Variants in SCRN1 observed in about 807,000 individuals in gnomAD.
SCRN1 encodes the protein secernin-1.
Under a neutral mutation model 43.3 loss-of-function variants are expected in SCRN1, and 19 were observed. That is an observed-to-expected ratio of 0.44 (90% CI 0.31 to 0.64). The LOEUF (loss-of-function observed/expected upper bound fraction) is 0.64, where lower values mean the gene tolerates loss of function less well. SCRN1 is among the 30% of genes least tolerant of loss of function. SCRN1 has a pLI of 0.09. For missense variants in SCRN1, 447 were observed against 524.1 expected, an observed-to-expected ratio of 0.85 and a Z score of 1.44; for synonymous variants, 183 against 188.9, an observed-to-expected ratio of 0.97 and a Z score of 0.26.
At chr7:29,934,577 A>G (rs1197420838) in intron 6 of SCRN1, among the ~76,000 whole-genome samples, 1 of 152,222 alleles carries the variant, frequency 6.6e-6, no homozygotes, top group Non-Finnish European at 1.5e-5. Flanking sequence ...CACCAGCATT[A>G]GGGGAGCAAA....
chr7:29,944,202 A>T, intron 3 of SCRN1, 23 bp from the exon 4 acceptor site: 1 of 1,609,214 alleles, frequency 6.2e-7, no homozygotes, highest in Admixed American at 1.7e-5. Context: ...AACCAGAACC[A>T]TACTTCAGTC....
chr7:29,935,489 A>G (rs934194559), intron 6 of SCRN1, among the ~76,000 whole-genome samples: 1 of 152,222 alleles, frequency 6.6e-6, no homozygotes, highest in Non-Finnish European at 1.5e-5. Flanking sequence ...AGCCAATGGA[A>G]CACCCAAAAA....
intron 2 of SCRN1, 64 bp from the exon 3 acceptor site, chr7:29,955,424 G>A: frequency 2.0e-6 from 3 of 1,486,626 alleles, no homozygotes; most frequent in Non-Finnish European, 1.8e-6. Context: ...TTTCTGCCTG[G>A]GTACTTATAC....
At chr7:29,945,385 T>C (rs371169493) in intron 3 of SCRN1, among the ~76,000 whole-genome samples, 2 of 152,210 alleles carry the variant, frequency 1.3e-5, no homozygotes, top group Non-Finnish European at 2.9e-5. Context: ...CAAGATCTGA[T>C]GAGTTTATCA....
At chr7:29,926,020 C>T (rs1438953012) in intron 7 of SCRN1, among the ~76,000 whole-genome samples, 1 of 152,138 alleles carries the variant, frequency 6.6e-6, no homozygotes, top group Non-Finnish European at 1.5e-5. Context: ...CCAGCACCAC[C>T]AGCCAACTCC....
At chr7:29,929,784 T>C (rs1787099006) in intron 6 of SCRN1, among the ~76,000 whole-genome samples, 1 of 152,362 alleles carries the variant, frequency 6.6e-6, no homozygotes, top group Non-Finnish European at 1.5e-5. Context: ...ATGAAGCTTG[T>C]AAACTTGTGA....
At chr7:29,932,024 G>A (rs557857595) in intron 6 of SCRN1, among the ~76,000 whole-genome samples, 1 of 152,200 alleles carries the variant, frequency 6.6e-6, no homozygotes, top group Admixed American at 6.5e-5. Flanking sequence ...ACCTGGCTGA[G>A]AGCAGAACTA....
rs1392478220 is a variant in SCRN1, at chr7:29,950,221, C to T, written c.341+4958G>A. Among the ~76,000 whole-genome samples the T allele has an allele frequency of 6.6e-6, 1 of 152,230 alleles. No homozygotes were observed. Among genetic ancestry groups the T allele is most frequent in the African/African-American group, 2.4e-5 (1 of 41,466 alleles). Reference sequence around the variant, plus strand: ...CCGCTTCCCAGCACCTGCTCCAGTGCAGAGCAAAGTTGTGGCTGAGCCCAG... The same window carrying T: ...CCGCTTCCCAGCACCTGCTCCAGTGTAGAGCAAAGTTGTGGCTGAGCCCAG... On this transcript the variant is annotated intron_variant, in intron 3 of 7. Coordinates refer to ENST00000242059, the MANE Select transcript of SCRN1 (RefSeq NM_014766.5). The surrounding 1 kb of genome is among the most constrained non-coding windows in gnomAD (Gnocchi z 4.5).
intron 1 of SCRN1, among the ~76,000 whole-genome samples, chr7:29,986,185 G>A (rs1272002217): frequency 3.3e-5 from 5 of 152,270 alleles, no homozygotes; most frequent in East Asian, 1.9e-4. Context: ...GCAGTGAGCC[G>A]AGATCGTGCC....
chr7:29,954,826 G>A (rs749916121), intron 3 of SCRN1, among the ~76,000 whole-genome samples: 1 of 152,042 alleles, frequency 6.6e-6, no homozygotes, highest in South Asian at 2.1e-4. Context: ...GATTATAGGC[G>A]CCTAGCACCA....
At chr7:29,981,949 A>C (rs1789003973) in intron 1 of SCRN1, among the ~76,000 whole-genome samples, 3 of 152,172 alleles carry the variant, frequency 2.0e-5, no homozygotes, top group African/African-American at 7.2e-5. Context: ...AAGGAGGCAA[A>C]GAATAGCGGG....
At chr7:29,970,993 G>GCT (rs1278979329) in intron 1 of SCRN1, among the ~76,000 whole-genome samples, 2 of 152,082 alleles carry the variant, frequency 1.3e-5, no homozygotes, top group Non-Finnish European at 2.9e-5. Flanking sequence ...AACCATAGTA[G>GCT]CCCTTTCCCC....
chr7:29,960,593 A>C (rs368759946), intron 2 of SCRN1, among the ~76,000 whole-genome samples: 1 of 152,178 alleles, frequency 6.6e-6, no homozygotes, highest in Non-Finnish European at 1.5e-5. Flanking sequence ...ACCTTAGCCA[A>C]AATCCACTGT....
At chr7:29,975,451 G>A (rs755477045) in intron 1 of SCRN1, among the ~76,000 whole-genome samples, 3 of 152,184 alleles carry the variant, frequency 2.0e-5, no homozygotes, top group Non-Finnish European at 1.5e-5. Context: ...CCAAAACAGT[G>A]TTTTCCTAAC....
intron 1 of SCRN1, among the ~76,000 whole-genome samples, chr7:29,989,423 G>C (rs1789285619): frequency 6.6e-6 from 1 of 152,092 alleles, no homozygotes. Flanking sequence ...TCCCCGAGCC[G>C]AGTCACCCCG....
chr7:29,926,350 TG>T lies in SCRN1; in HGVS notation c.1086+101del. ...GAGAAGCCCGGTCACACTGGATGGGTGGGGGTAGGGTCTAGCTTGACATCTG... is the reference window on the plus strand; with the variant it reads ...GAGAAGCCCGGTCACACTGGATGGGTGGGGTAGGGTCTAGCTTGACATCTG... On this transcript the variant is annotated intron_variant, in intron 7 of 7. Transcript: ENST00000242059. The T allele has an allele frequency of 2.4e-6, 3 of 1,256,732 alleles. No homozygotes were observed. In the South Asian group the frequency reaches 4.3e-5, roughly 18 times the overall value. 77.8% of individuals were successfully genotyped at this position (1,256,732 alleles called of 1,614,324 possible).
chr7:29,931,600 T>A (rs527394196), intron 6 of SCRN1, among the ~76,000 whole-genome samples: 1 of 152,280 alleles, frequency 6.6e-6, no homozygotes, highest in South Asian at 2.1e-4. Flanking sequence ...ATAAAATACT[T>A]TTTATGCTTT....
chr7:29,932,227 C>T (rs950792859), intron 6 of SCRN1, among the ~76,000 whole-genome samples: 4 of 152,158 alleles, frequency 2.6e-5, no homozygotes, highest in Non-Finnish European at 4.4e-5. Context: ...GGGCCTTCGG[C>T]TCTGTCTATC....
chr7:29,968,874 G>C (rs747494863), intron 2 of SCRN1, 35 bp downstream of exon 2: 1 of 1,612,618 alleles, frequency 6.2e-7, no homozygotes. Context: ...AGAGAAAAGA[G>C]AGTGTGACTC....
Sources: allele counts gnomAD v4.1 joint callset (sites outside exome capture counted in the v4.1 genomes callset), GRCh38; gene constraint gnomAD v4.1.1; non-coding constraint Gnocchi (gnomAD v3.1); transcripts MANE v1.5; gene names NCBI Gene and HGNC (gene_info 2026-07-23, HGNC 2026-07-21).